ANKRD26: variants seen among roughly 807,000 people sequenced by gnomAD.
ANKRD26 encodes ankyrin repeat domain 26.
Under a neutral mutation model 208.7 loss-of-function variants are expected in ANKRD26, and 141 were observed. That is an observed-to-expected ratio of 0.68 (90% CI 0.59 to 0.78). The LOEUF is 0.78. Among genes scored for constraint, ANKRD26 ranks in the 30% least tolerant of loss-of-function variants. The pLI is 0.00. For synonymous variants in ANKRD26, 636 were observed against 660.4 expected (o/e 0.96, Z 0.57); for missense variants, 1,889 against 1,938.7 (o/e 0.97, Z 0.48).
chr10:27,070,857 G>C (rs1438200285), intron 9 of ANKRD26, among the ~76,000 whole-genome samples: 2 of 152,000 alleles, frequency 1.3e-5, no homozygotes, highest in Non-Finnish European at 2.9e-5. Flanking sequence ...AGTAGAGACA[G>C]GGTTTCACCA....
At chr10:26,948,737 C>T in the ANKRD26 span, among the ~76,000 whole-genome samples, 6 of 152,196 alleles carry the variant, frequency 3.9e-5, no homozygotes, top group African/African-American at 1.4e-4. Context: ...CCTGTAATCC[C>T]AGCACTTTGG....
chr10:26,970,270 G>C (rs763193019), downstream of ANKRD26, among the ~76,000 whole-genome samples: 2 of 152,096 alleles, frequency 1.3e-5, no homozygotes, highest in Non-Finnish European at 2.9e-5. Flanking sequence ...ATTGGAGGTG[G>C]GGCCTGGCGA....
intron 4 of ANKRD26, among the ~76,000 whole-genome samples, chr10:27,091,109 T>A (rs2056285879): frequency 6.6e-6 from 1 of 151,890 alleles, no homozygotes; most frequent in Non-Finnish European, 1.5e-5. Flanking sequence ...ATAATAATAA[T>A]AATAATAAAG....
chr10:27,089,439 T>G (rs2056224258), intron 4 of ANKRD26, among the ~76,000 whole-genome samples: 1 of 152,180 alleles, frequency 6.6e-6, no homozygotes, highest in African/African-American at 2.4e-5. Context: ...ATAATTGGAA[T>G]GAAATGAATG....
At chr10:27,051,288 T>A (rs1336010901) in intron 16 of ANKRD26, 1 of 1,288,310 alleles carries the variant, frequency 7.8e-7, no homozygotes, top group East Asian at 5.5e-5. Flanking sequence ...GAACAAGTTC[T>A]GTATTGGTTT....
chr10:26,995,411 TA>T (rs1488001471), intron 4 of ANKRD26, among the ~76,000 whole-genome samples: 1 of 152,152 alleles, frequency 6.6e-6, no homozygotes, highest in East Asian at 1.9e-4. Context: ...ACTGTTGCCA[TA>T]ATAGCCTACA....
chr10:26,984,661 T>G (rs1033995528), intron 3 of ANKRD26, among the ~76,000 whole-genome samples: 2 of 152,146 alleles, frequency 1.3e-5, no homozygotes, highest in Admixed American at 1.3e-4. Flanking sequence ...CCTTACAATA[T>G]ATTGCAATAT....
At chr10:27,092,266 T>C (rs1411532326) in intron 4 of ANKRD26, 140 bp downstream of exon 4, 2 of 650,510 alleles carry the variant, frequency 3.1e-6, no homozygotes, top group Non-Finnish European at 5.4e-6. Context: ...TATTTCTGAC[T>C]TGAGTGAGAA....
At chr10:27,097,455 C>T (rs907487330) in intron 1 of ANKRD26, among the ~76,000 whole-genome samples, 1 of 151,932 alleles carries the variant, frequency 6.6e-6, no homozygotes, top group Non-Finnish European at 1.5e-5. Context: ...GAGGGAGACT[C>T]TGTCTAAGAA....
intron 9 of ANKRD26, among the ~76,000 whole-genome samples, chr10:27,068,321 T>C (rs568285454): frequency 6.6e-6 from 1 of 152,342 alleles, no homozygotes; most frequent in East Asian, 1.9e-4. Flanking sequence ...AGAAGGTGCC[T>C]GCTTCCCTTT....
intron 3 of ANKRD26, among the ~76,000 whole-genome samples, chr10:26,982,849 T>C (rs773227114): frequency 1.3e-5 from 2 of 152,186 alleles, no homozygotes; most frequent in Non-Finnish European, 2.9e-5. Context: ...CAAATTATTA[T>C]TATGATTCCT....
At chr10:26,968,360 G>A in the ANKRD26 span, among the ~76,000 whole-genome samples, 2 of 152,056 alleles carry the variant, frequency 1.3e-5, no homozygotes, top group African/African-American at 4.8e-5. Flanking sequence ...TTCTTCCTGT[G>A]CAGCCTGCCC....
At chr10:27,015,205 T>C (rs1000902559) in intron 30 of ANKRD26, among the ~76,000 whole-genome samples, 1 of 152,228 alleles carries the variant, frequency 6.6e-6, no homozygotes, top group African/African-American at 2.4e-5. Flanking sequence ...TGAATACACC[T>C]GGCAAAGTAA....
chr10:27,014,792 G>T (rs1161953420), intron 30 of ANKRD26, 81 bp from the exon 31 acceptor site: 25 of 1,183,484 alleles, frequency 2.1e-5, no homozygotes, highest in Non-Finnish European at 2.7e-5. Flanking sequence ...TCTAAGGGCT[G>T]TTTTGTTTTT....
Position 27,032,626 on chromosome 10 carries a change from A to G in ANKRD26, c.3807+599T>C, listed in dbSNP as rs530180749. 7.5e-5 allele frequency among the ~76,000 whole-genome samples: 11 copies of G among 147,210 alleles called. No individual in the cohort carries two copies. In the East Asian group the frequency reaches 2.3e-3, roughly 31 times the overall value. On this transcript the variant is annotated intron_variant, in intron 25 of 33. Transcript: ENST00000376087. ...ACGCCAGCCTGGGCTACAGAGCGAG[A>G]CTCTGTCTCAAAAAAAAAACAAAAA... is the stretch of plus-strand genomic sequence containing the variant.
intron 33 of ANKRD26, among the ~76,000 whole-genome samples, chr10:27,006,152 G>A (rs2052871099): frequency 6.6e-6 from 1 of 152,196 alleles, no homozygotes; most frequent in Non-Finnish European, 1.5e-5. Context: ...CCAGTTCTGA[G>A]TCAATAACGT....
chr10:26,992,560 C>T (rs1301960833), intron 5 of ANKRD26, among the ~76,000 whole-genome samples: 1 of 151,050 alleles, frequency 6.6e-6, no homozygotes, highest in Non-Finnish European at 1.5e-5. Context: ...GGAAAGCAAA[C>T]CTAGAAGCTG....
At chr10:27,029,697 CT>C (rs1157431231) in intron 25 of ANKRD26, among the ~76,000 whole-genome samples, 1 of 152,064 alleles carries the variant, frequency 6.6e-6, no homozygotes, top group East Asian at 1.9e-4. Flanking sequence ...AGGAAATTAC[CT>C]TACGATAAGC....
the ANKRD26 span, among the ~76,000 whole-genome samples, chr10:26,951,526 C>T: frequency 6.6e-6 from 1 of 152,186 alleles, no homozygotes; most frequent in African/African-American, 2.4e-5. Context: ...TTTTATACTA[C>T]ATTTTATAAA....
Sources: allele counts gnomAD v4.1 joint callset (sites outside exome capture counted in the v4.1 genomes callset), GRCh38; gene constraint gnomAD v4.1.1; transcripts MANE v1.5; gene names NCBI Gene and HGNC (gene_info 2026-07-23, HGNC 2026-07-21).